PPIB: variants seen among roughly 807,000 people sequenced by gnomAD.
PPIB encodes the protein peptidylprolyl isomerase B.
A neutral mutation model predicts 20.1 loss-of-function variants in PPIB; 15 were observed. That is an observed-to-expected ratio of 0.75 (90% CI 0.50 to 1.15). The LOEUF is 1.15. PPIB is among the 50% of genes most tolerant of loss of function. The probability of loss-of-function intolerance (pLI) is 0.00; values close to 1 mark genes in which losing one functional copy is unlikely to be tolerated. For missense variants in PPIB, 278 were observed against 283.0 expected, an observed-to-expected ratio of 0.98 and a Z score of 0.13; for synonymous variants, 129 against 111.0, an observed-to-expected ratio of 1.16 and a Z score of -1.02.
In PPIB at chr15:64,157,506, C is replaced by T. The variant is rs2081542225; in HGVS notation, c.344-597G>A. The T allele has an allele frequency of 6.4e-6, 1 of 157,124 alleles. No homozygotes were observed. The highest frequency in any genetic ancestry group is 1.4e-5 in the Non-Finnish European group (1 of 70,956). 9.7% of individuals were successfully genotyped at this position (157,124 alleles called of 1,614,324 possible). ...GTGTGACGCGTCTGTCCACGTGGGG[C>T]TTGGGGATATGGTAAGGGCAATCCG... On this transcript the variant is annotated intron_variant, in intron 3 of 4. Transcript: ENST00000300026. The surrounding 1 kb of genome is among the most constrained non-coding windows in gnomAD (Gnocchi z 4.2).
rs1596029627 is a variant in PPIB, at chr15:64,158,687, T to C, written c.343+1417A>G. 6.6e-6 allele frequency among the ~76,000 whole-genome samples: 1 copy of C among 152,320 alleles called. No individual in the cohort carries two copies. Among genetic ancestry groups the C allele is most frequent in the South Asian group, 2.1e-4 (1 of 4,826 alleles). On this transcript the variant is annotated intron_variant, in intron 3 of 4. Coordinates refer to ENST00000300026, the MANE Select transcript of PPIB (RefSeq NM_000942.5). This position sits in a 1 kb window ranked among gnomAD's most constrained non-coding sequence, Gnocchi z 4.7. ...CACCTCTCTGCACTCCGGGTACAGA[T>C]GTCCTCACCCCACCTTTGGCCAAGC...
chr15:64,162,083 A>G lies in PPIB; in HGVS notation c.207T>C (p.Val69=), dbSNP rs1567347335. Residue 69 remains valine (V), a synonymous_variant, in exon 2 of 5, where the codon GTT becomes GTC. Coordinates refer to ENST00000300026, the MANE Select transcript of PPIB (RefSeq NM_000942.5). The part of the protein sequence containing the change: ...RVIFGLFGKT[V]PKTVDNFVAL... ...CCACAAAATTATCCACTGTTTTTGG[A>G]ACAGTCTTTCCGAAGAGACCAAAGA... is the stretch of plus-strand genomic sequence containing the variant. The G allele has an allele frequency of 6.2e-7, 1 of 1,614,156 alleles. No homozygotes were observed. The highest frequency in any genetic ancestry group is 1.3e-5 in the African/African-American group (1 of 75,042).
chr15:64,156,233 G>C lies in PPIB; in HGVS notation c.529-88C>G, dbSNP rs886972785. 7.8e-6 allele frequency: 12 copies of C among 1,535,266 alleles called. No homozygotes were observed. The highest frequency in any genetic ancestry group is 2.1e-4 in the Middle Eastern group (1 of 4,814). On this transcript the variant is annotated intron_variant, in intron 4 of 4. Coordinates refer to ENST00000300026, the MANE Select transcript of PPIB (RefSeq NM_000942.5). The surrounding 1 kb of genome is among the most constrained non-coding windows in gnomAD (Gnocchi z 6.4). ...AGGCCCCAGCGTATGGCTCAGGAGGGCTAAGACCCACAAGTGATCAACAGC... is the reference window on the plus strand; with the variant it reads ...AGGCCCCAGCGTATGGCTCAGGAGGCCTAAGACCCACAAGTGATCAACAGC...
Position 64,161,930 on chromosome 15 carries a change from C to T in PPIB, c.249+111G>A, listed in dbSNP as rs1006228281. Reference sequence around the variant, plus strand: ...TTCCCAGGGCAACAGGCAGTCGGTGCTCAGTGAGGTCCACGCTACAGATCG... The same window carrying T: ...TTCCCAGGGCAACAGGCAGTCGGTGTTCAGTGAGGTCCACGCTACAGATCG... On this transcript the variant is annotated intron_variant, in intron 2 of 4. Transcript: ENST00000300026. The surrounding 1 kb of genome is among the most constrained non-coding windows in gnomAD (Gnocchi z 4.2). 21 of 821,628 alleles carry T rather than the reference C, an allele frequency of 2.6e-5. No homozygotes were observed. In the Admixed American group the frequency reaches 3.2e-4, roughly 13 times the overall value. 50.9% of individuals were successfully genotyped at this position (821,628 alleles called of 1,614,324 possible).
At position 64,156,969 on chromosome 15, in the gene PPIB, C is replaced by A; in HGVS notation, c.344-60G>T. 4 of 1,564,542 alleles carry A rather than the reference C, an allele frequency of 2.6e-6. No individual in the cohort carries two copies. Among genetic ancestry groups the A allele is most frequent in the Non-Finnish European group, 3.5e-6 (4 of 1,139,546 alleles). On this transcript the variant is annotated intron_variant, in intron 3 of 4. Coordinates refer to ENST00000300026, the MANE Select transcript of PPIB (RefSeq NM_000942.5). The surrounding 1 kb of genome is among the most constrained non-coding windows in gnomAD (Gnocchi z 6.4). Reference sequence around the variant, plus strand: ...GATTGCGCCAAACCAAGCAGACATTCGGGGCCAGGACTGAGGGGGCTTAAC... The same window carrying A: ...GATTGCGCCAAACCAAGCAGACATTAGGGGCCAGGACTGAGGGGGCTTAAC...
rs779838201 is a variant in PPIB, at chr15:64,156,933, CA to C, written c.344-25del. On this transcript the variant is annotated intron_variant, in intron 3 of 4. Transcript: ENST00000300026. The surrounding 1 kb of genome is among the most constrained non-coding windows in gnomAD (Gnocchi z 6.4). ...TCCTGGGAAAAAAGACAGAGCAGGT[CA>C]GGGGCGCTGGATTGCGCCAAACCAA... 6 of 1,612,828 alleles carry C rather than the reference CA, an allele frequency of 3.7e-6. No individual in the cohort carries two copies. In the African/African-American group the frequency reaches 4.0e-5, roughly 11 times the overall value.
At position 64,156,420 on chromosome 15, in the gene PPIB, A is replaced by G. The variant is rs1424196993; in HGVS notation, c.529-275T>C. The G allele has an allele frequency of 4.8e-6, 3 of 619,484 alleles. No homozygotes were observed. In the Admixed American group the frequency reaches 7.9e-5, roughly 16 times the overall value. 38.4% of individuals were successfully genotyped at this position (619,484 alleles called of 1,614,324 possible). On this transcript the variant is annotated intron_variant, in intron 4 of 4. Coordinates refer to ENST00000300026, the MANE Select transcript of PPIB (RefSeq NM_000942.5). This position sits in a 1 kb window ranked among gnomAD's most constrained non-coding sequence, Gnocchi z 6.4. ...GGGTGACCAGGGCATGTGGCTTCTC[A>G]GGGACATTGCGTTCAGCTGCACTCT...
Position 64,156,197 on chromosome 15 carries a change from G to A in PPIB, c.529-52C>T, listed in dbSNP as rs779373821. Reference sequence around the variant, plus strand: ...GGCATGGTGGATCAGGAGGTCCACCGCTCAGGAGAAAGGCCCCAGCGTATG... The same window carrying A: ...GGCATGGTGGATCAGGAGGTCCACCACTCAGGAGAAAGGCCCCAGCGTATG... On this transcript the variant is annotated intron_variant, in intron 4 of 4. Transcript: ENST00000300026. The surrounding 1 kb of genome is among the most constrained non-coding windows in gnomAD (Gnocchi z 6.4). 5.0e-6 allele frequency: 8 copies of A among 1,608,988 alleles called. No homozygotes were observed. Among genetic ancestry groups the A allele is most frequent in the East Asian group, 2.2e-5 (1 of 44,806 alleles).
Position 64,156,217 on chromosome 15 carries a change from C to T in PPIB, c.529-72G>A, listed in dbSNP as rs2081530393. 8.8e-6 allele frequency: 14 copies of T among 1,590,834 alleles called. No homozygotes were observed. The highest frequency in any genetic ancestry group is 1.9e-4 in the Middle Eastern group (1 of 5,242). On this transcript the variant is annotated intron_variant, in intron 4 of 4. Transcript: ENST00000300026. The surrounding 1 kb of genome is among the most constrained non-coding windows in gnomAD (Gnocchi z 6.4). ...CCACCGCTCAGGAGAAAGGCCCCAG[C>T]GTATGGCTCAGGAGGGCTAAGACCC... is the stretch of plus-strand genomic sequence containing the variant.
Position 64,161,808 on chromosome 15 carries a change from A to G in PPIB, c.249+233T>C, listed in dbSNP as rs1332344900. On this transcript the variant is annotated intron_variant, in intron 2 of 4. Transcript: ENST00000300026. The surrounding 1 kb of genome is among the most constrained non-coding windows in gnomAD (Gnocchi z 4.2). ...GGCCTTGAACTCCTGGGCTCAAGCA[A>G]TCCTCCTACTTTGGCCTCCAAAAGT... Among the ~76,000 whole-genome samples the G allele has an allele frequency of 3.3e-5, 5 of 152,016 alleles. No individual in the cohort carries two copies. Among genetic ancestry groups the G allele is most frequent in the South Asian group, 2.1e-4 (1 of 4,822 alleles).
chr15:64,158,662 C>A lies in PPIB; in HGVS notation c.343+1442G>T, dbSNP rs2081548528. On this transcript the variant is annotated intron_variant, in intron 3 of 4. Transcript: ENST00000300026. This position sits in a 1 kb window ranked among gnomAD's most constrained non-coding sequence, Gnocchi z 4.7. ...GAAGCCCAGGCTGCAGGACATCACCCACCTCTCTGCACTCCGGGTACAGAT... is the reference window on the plus strand; with the variant it reads ...GAAGCCCAGGCTGCAGGACATCACCAACCTCTCTGCACTCCGGGTACAGAT... Among the ~76,000 whole-genome samples the A allele has an allele frequency of 6.6e-6, 1 of 152,340 alleles. No homozygotes were observed. Among genetic ancestry groups the A allele is most frequent in the East Asian group, 1.9e-4 (1 of 5,192 alleles).
Position 64,161,436 on chromosome 15 carries a change from T to A in PPIB, c.249+605A>T, listed in dbSNP as rs533835084. Among the ~76,000 whole-genome samples, 13 of 150,778 alleles carry A rather than the reference T, an allele frequency of 8.6e-5. No homozygotes were observed. Among genetic ancestry groups the A allele is most frequent in the African/African-American group, 2.2e-4 (9 of 40,538 alleles). On this transcript the variant is annotated intron_variant, in intron 2 of 4. Coordinates refer to ENST00000300026, the MANE Select transcript of PPIB (RefSeq NM_000942.5). The surrounding 1 kb of genome is among the most constrained non-coding windows in gnomAD (Gnocchi z 4.2). ...GTCACACCCAGCTAATTAAAAAAAA[T>A]TTTTTTTGGCCGGGCATAGTGGCTC...
At chr15:64,162,816 G>C (rs752481385) in intron 1 of PPIB, 36 bp downstream of exon 1, 117 of 1,602,226 alleles carry the variant, frequency 7.3e-5, no homozygotes, top group Non-Finnish European at 9.9e-5. Flanking sequence ...CCGGGCCCGA[G>C]CTCCGGCACC....
Position 64,162,163 on chromosome 15 carries a change from A to G in PPIB, c.136-9T>C, listed in dbSNP as rs770427090. Reference sequence around the variant, plus strand: ...CGTAGGTCAAAATACACCTGAGGAAAGAGACCATTTCCAACTTAGCTTCTT... The same window carrying G: ...CGTAGGTCAAAATACACCTGAGGAAGGAGACCATTTCCAACTTAGCTTCTT... On this transcript the variant is annotated splice_polypyrimidine_tract_variant and intron_variant, in intron 1 of 4. Coordinates refer to ENST00000300026, the MANE Select transcript of PPIB (RefSeq NM_000942.5). 2 of 1,599,934 alleles carry G rather than the reference A, an allele frequency of 1.3e-6. No homozygotes were observed. Among genetic ancestry groups the G allele is most frequent in the Non-Finnish European group, 1.7e-6 (2 of 1,166,990 alleles).
chr15:64,156,691 T>A lies in PPIB; in HGVS notation c.528+34A>T. 6.2e-7 allele frequency: 1 copy of A among 1,612,854 alleles called. No homozygotes were observed. Among genetic ancestry groups the A allele is most frequent in the Non-Finnish European group, 8.5e-7 (1 of 1,178,858 alleles). On this transcript the variant is annotated intron_variant, in intron 4 of 4. Coordinates refer to ENST00000300026, the MANE Select transcript of PPIB (RefSeq NM_000942.5). The surrounding 1 kb of genome is among the most constrained non-coding windows in gnomAD (Gnocchi z 6.4). ...GTCTGTGTTGAATCCCCGGTGAGGA[T>A]TGCCCAGTAGTAGCCCTTGCTTCCA...
At position 64,156,637 on chromosome 15, in the gene PPIB, G is replaced by C. The variant is rs1434218894; in HGVS notation, c.528+88C>G. On this transcript the variant is annotated intron_variant, in intron 4 of 4. Transcript: ENST00000300026. This position sits in a 1 kb window ranked among gnomAD's most constrained non-coding sequence, Gnocchi z 6.4. ...TGTGGGTTGGGTCCTTTTGGGAAAGGGATGGACACATGGAGCTCCTGCCCT... is the reference window on the plus strand; with the variant it reads ...TGTGGGTTGGGTCCTTTTGGGAAAGCGATGGACACATGGAGCTCCTGCCCT... The C allele has an allele frequency of 2.6e-6, 4 of 1,515,860 alleles. No individual in the cohort carries two copies. The highest frequency in any genetic ancestry group is 2.3e-5 in the East Asian group (1 of 44,428). The allele number at this position is 1,515,860 out of a possible 1,614,324, so 93.9% of individuals were successfully genotyped here.
In PPIB at chr15:64,156,658, G is replaced by C; in HGVS notation, c.528+67C>G. ...AAAGGGATGGACACATGGAGCTCCT[G>C]CCCTGGGGTCTGTGTTGAATCCCCG... On this transcript the variant is annotated intron_variant, in intron 4 of 4. Transcript: ENST00000300026. The surrounding 1 kb of genome is among the most constrained non-coding windows in gnomAD (Gnocchi z 6.4). 6.3e-7 allele frequency: 1 copy of C among 1,583,634 alleles called. No individual in the cohort carries two copies.
At position 64,158,186 on chromosome 15, in the gene PPIB, G is replaced by A. The variant is rs1169709501; in HGVS notation, c.344-1277C>T. ...TCTTTTGACCCCTTTTCCTCTGCACGTGGCTCAGGTTGTCCCTACCCACTC... is the reference window on the plus strand; with the variant it reads ...TCTTTTGACCCCTTTTCCTCTGCACATGGCTCAGGTTGTCCCTACCCACTC... On this transcript the variant is annotated intron_variant, in intron 3 of 4. Coordinates refer to ENST00000300026, the MANE Select transcript of PPIB (RefSeq NM_000942.5). This position sits in a 1 kb window ranked among gnomAD's most constrained non-coding sequence, Gnocchi z 4.7. 6.6e-6 allele frequency among the ~76,000 whole-genome samples: 1 copy of A among 152,072 alleles called. No homozygotes were observed. Among genetic ancestry groups the A allele is most frequent in the Non-Finnish European group, 1.5e-5 (1 of 68,030 alleles).
Position 64,161,106 on chromosome 15 carries a change from G to A in PPIB, c.250-909C>T, listed in dbSNP as rs966604312. Among the ~76,000 whole-genome samples, 6 of 151,316 alleles carry A rather than the reference G, an allele frequency of 4.0e-5. No individual in the cohort carries two copies. The highest frequency in any genetic ancestry group is 2.1e-4 in the South Asian group (1 of 4,798). On this transcript the variant is annotated intron_variant, in intron 2 of 4. Transcript: ENST00000300026. This position sits in a 1 kb window ranked among gnomAD's most constrained non-coding sequence, Gnocchi z 4.2. ...CTCCCAAGTAGCTGGAATTACAGGCGCCTACCACTACACCTGGCTAATTTT... is the reference window on the plus strand; with the variant it reads ...CTCCCAAGTAGCTGGAATTACAGGCACCTACCACTACACCTGGCTAATTTT...
Sources: gnomAD v4.1 joint callset for allele counts (sites outside exome capture counted in the v4.1 genomes callset) on GRCh38, gnomAD v4.1.1 for gene constraint, Gnocchi (gnomAD v3.1) non-coding constraint, MANE v1.5 for transcripts, NCBI Gene and HGNC (gene_info 2026-07-23, HGNC 2026-07-21) for gene names.